The following GNAL variants were observed in gnomAD, a reference collection of about 807,000 sequenced individuals.
GNAL encodes guanine nucleotide-binding protein G(olf) subunit alpha.
In GNAL, 18 loss-of-function variants were observed where a neutral mutation model predicts 55.1. The ratio of observed to expected loss-of-function variants is 0.33; its 90% confidence interval spans 0.23 to 0.48. The LOEUF is 0.48. Ranked by LOEUF, GNAL falls within the 20% of genes least tolerant of loss-of-function variation. GNAL has a pLI of 0.99. For missense variants in GNAL, 412 were observed against 614.1 expected (o/e 0.67, Z 3.48); for synonymous variants, 253 against 237.0 (o/e 1.07, Z -0.62).
intron 4 of GNAL, among the ~76,000 whole-genome samples, chr18:11,771,812 T>A (rs2143284769): frequency 6.6e-6 from 1 of 152,262 alleles, no homozygotes; most frequent in South Asian, 2.1e-4. Context: ...CCTTCTGGGT[T>A]CAAGCGATTC....
intron 1 of GNAL, among the ~76,000 whole-genome samples, chr18:11,750,799 A>G (rs2032800250): frequency 6.6e-6 from 1 of 152,120 alleles, no homozygotes. Context: ...GGTGGAACTA[A>G]CAAGGGGCGT....
rs187280435 is a variant in GNAL at position 11,744,145 on chromosome 18, G to A, written c.377-8708G>A. On this transcript the variant is annotated intron_variant, in intron 1 of 11. Coordinates refer to ENST00000334049, the MANE Select transcript of GNAL (RefSeq NM_182978.4). Reference sequence around the variant, plus strand: ...TCAGTCCTGGATTTTTGGACAAGGGGTGAAGTCAGAGACATGTAACCTACT... The same window carrying A: ...TCAGTCCTGGATTTTTGGACAAGGGATGAAGTCAGAGACATGTAACCTACT... 9.8e-5 allele frequency among the ~76,000 whole-genome samples: 15 copies of A among 152,292 alleles called. No individual in the cohort carries two copies. The East Asian group carries it at 1.9e-3, about 20-fold the overall frequency.
At chr18:11,777,961 A>G (rs2033828417) in intron 4 of GNAL, among the ~76,000 whole-genome samples, 1 of 152,164 alleles carries the variant, frequency 6.6e-6, no homozygotes, top group East Asian at 1.9e-4. Context: ...TCCAGAGTCT[A>G]TGCCCTTCGC....
chr18:11,716,236 G>A (rs1055319429), intron 1 of GNAL, among the ~76,000 whole-genome samples: 1 of 152,208 alleles, frequency 6.6e-6, no homozygotes, highest in Non-Finnish European at 1.5e-5. Context: ...TGAAGCCGCG[G>A]ACCCTCGCGG....
intron 4 of GNAL, among the ~76,000 whole-genome samples, chr18:11,775,218 G>A (rs74631878): frequency 0.03 from 4,561 of 152,268 alleles, 200 homozygotes; most frequent in African/African-American, 0.097. Flanking sequence ...GTGTTCTGGC[G>A]AACTGAGAAC....
chr18:11,877,453 TCAAACAAAA>T (rs1274024275), intron 11 of GNAL, among the ~76,000 whole-genome samples: 4 of 151,832 alleles, frequency 2.6e-5, no homozygotes, highest in African/African-American at 9.7e-5. Context: ...AGACTCTGTC[TCAAACAAAA>T]CAAACAAAAC....
chr18:11,803,718 A>C (rs897144454), intron 4 of GNAL, among the ~76,000 whole-genome samples: 1 of 124,046 alleles, frequency 8.1e-6, no homozygotes, highest in Non-Finnish European at 1.8e-5. Context: ...ATACAGGTGC[A>C]GTTTGGATGG....
At chr18:11,768,680 G>A (rs2033492456) in intron 4 of GNAL, among the ~76,000 whole-genome samples, 1 of 150,736 alleles carries the variant, frequency 6.6e-6, no homozygotes, top group Non-Finnish European at 1.5e-5. Flanking sequence ...GGATCACGAG[G>A]TCAGGAGATC....
chr18:11,775,474 G>A (rs373570719), intron 4 of GNAL, among the ~76,000 whole-genome samples: 4 of 152,234 alleles, frequency 2.6e-5, no homozygotes, highest in Admixed American at 6.5e-5. Flanking sequence ...GGGTAGATAC[G>A]TGGCCCGTGT....
intron 1 of GNAL, among the ~76,000 whole-genome samples, chr18:11,738,668 C>T (rs531172979): frequency 7.9e-5 from 12 of 152,244 alleles, no homozygotes; most frequent in African/African-American, 2.6e-4. Flanking sequence ...AGGCTGGTCT[C>T]GAACTCCTGG....
chr18:11,759,671 C>G (rs903004067), intron 4 of GNAL, among the ~76,000 whole-genome samples: 2 of 152,264 alleles, frequency 1.3e-5, no homozygotes, highest in Admixed American at 6.5e-5. Flanking sequence ...GGCCTACACC[C>G]ACTGCAGCTT....
At chr18:11,711,871 T>G (rs774377266) in intron 1 of GNAL, among the ~76,000 whole-genome samples, 1 of 152,242 alleles carries the variant, frequency 6.6e-6, no homozygotes, top group Non-Finnish European at 1.5e-5. Flanking sequence ...GGGAAAGATC[T>G]TCACCAATCA....
intron 5 of GNAL, among the ~76,000 whole-genome samples, chr18:11,838,724 C>T (rs149151710): frequency 2.6e-5 from 4 of 152,200 alleles, no homozygotes; most frequent in East Asian, 3.9e-4. Context: ...TGAGAGGATG[C>T]GGTATGAGAT....
chr18:11,876,903 C>G (rs2036544900), intron 11 of GNAL, among the ~76,000 whole-genome samples: 2 of 152,148 alleles, frequency 1.3e-5, no homozygotes, highest in Admixed American at 1.3e-4. Flanking sequence ...ACCAGCAGAG[C>G]CTGGGTGAGA....
chr18:11,700,113 G>A (rs778277481), intron 1 of GNAL, among the ~76,000 whole-genome samples: 1 of 152,218 alleles, frequency 6.6e-6, no homozygotes, highest in African/African-American at 2.4e-5. Flanking sequence ...TGGAGAAGAA[G>A]AGGACAGACA....
At chr18:11,877,765 T>C (rs918902982) in intron 11 of GNAL, among the ~76,000 whole-genome samples, 12 of 152,188 alleles carry the variant, frequency 7.9e-5, no homozygotes, top group Admixed American at 1.3e-4. Flanking sequence ...CACCACCCTT[T>C]TCCCGGCACA....
intron 10 of GNAL, among the ~76,000 whole-genome samples, chr18:11,873,830 C>T (rs567507805): frequency 1.6e-4 from 24 of 152,028 alleles, no homozygotes; most frequent in African/African-American, 5.3e-4. Context: ...TCACTCAGCT[C>T]AGGCAGTGGC....
At chr18:11,690,256 C>G (rs185239173) in intron 1 of GNAL, among the ~76,000 whole-genome samples, 35 of 152,276 alleles carry the variant, frequency 2.3e-4, no homozygotes, top group African/African-American at 8.2e-4. Flanking sequence ...GATTGATCAC[C>G]TTCCACAGGG....
chr18:11,776,825 G>A (rs1024106566), intron 4 of GNAL, among the ~76,000 whole-genome samples: 4 of 151,524 alleles, frequency 2.6e-5, no homozygotes, highest in Non-Finnish European at 5.9e-5. Flanking sequence ...TTCTCTTCAC[G>A]ACTAAGACTT....
Sources: allele counts gnomAD v4.1 joint callset (sites outside exome capture counted in the v4.1 genomes callset), GRCh38; gene constraint gnomAD v4.1.1; transcripts MANE v1.5; gene names NCBI Gene and HGNC (gene_info 2026-07-23, HGNC 2026-07-21).